DFFA: variants seen among roughly 807,000 people sequenced by gnomAD.
DFFA encodes the protein DFF45.
DFFA carries 14 observed loss-of-function variants against 28.0 expected under a neutral mutation model. The ratio of observed to expected loss-of-function variants is 0.50; its 90% CI spans 0.33 to 0.78. The LOEUF (loss-of-function observed/expected upper bound fraction) is 0.78. DFFA is among the 30% of genes least tolerant of loss of function. DFFA has a pLI of 0.02. For missense variants in DFFA, 395 were observed against 407.1 expected (o/e 0.97, Z 0.26); for synonymous variants, 158 against 170.3 (o/e 0.93, Z 0.56).
At chr1:10,463,304 G>A (rs1035139288) in intron 4 of DFFA, 95 bp from the exon 5 acceptor site, 7 of 1,554,534 alleles carry the variant, frequency 4.5e-6, no homozygotes, top group South Asian at 2.3e-5. Flanking sequence ...AGAGAGAAAC[G>A]TGCCCGTCCC....
Position 10,459,554 on chromosome 1 carries a change from C to T in DFFA, c.*1936G>A, listed in dbSNP as rs1429854410. 6.6e-6 allele frequency: 1 copy of T among 152,052 alleles called. No individual in the cohort carries two copies. The highest frequency in any genetic ancestry group is 2.4e-5 in the African/African-American group (1 of 41,402). The allele number at this position is 152,052 out of a possible 1,614,324, so 9.4% of individuals were successfully genotyped here. On this transcript the variant is annotated 3_prime_UTR_variant, in exon 6 of 6. Transcript: ENST00000377038. ...AGCTTAATATGTATCTTTAAACAAA[C>T]ACATAAAAAAATTCATTAACTGGAG...
At chr1:10,465,884 C>T (rs568614889) in intron 3 of DFFA, among the ~76,000 whole-genome samples, 32 of 151,670 alleles carry the variant, frequency 2.1e-4, no homozygotes, top group African/African-American at 7.3e-4. Flanking sequence ...GGTTTTACCA[C>T]ATCAAACTCC....
At position 10,463,478 on chromosome 1, in the gene DFFA, T is replaced by A. The variant is rs755822908; in HGVS notation, c.584A>T (p.Tyr195Phe). The A allele has an allele frequency of 7.4e-6, 12 of 1,614,010 alleles. No homozygotes were observed. The highest frequency in any genetic ancestry group is 1.0e-5 in the Non-Finnish European group (12 of 1,180,030). The change falls in exon 4 of 6, where the codon TAC (tyrosine) becomes TTC (phenylalanine). Residue 195 changes from tyrosine to phenylalanine, a missense_variant. By Grantham distance (22) the Tyr-to-Phe change is conservative. Transcript: ENST00000377038. ...GCCCTCTTTCTCCAAAGCCTGGAGG[T>A]ACAGCTGCAGGAGCTGCTTGGACTG... The part of the protein sequence containing the change: ...VRQSKQLLQL[Y>F]LQALEKEGSL...
Position 10,461,717 on chromosome 1 carries a change from A to G in DFFA, c.784-15T>C. The G allele has an allele frequency of 6.2e-7, 1 of 1,613,764 alleles. No homozygotes were observed. On this transcript the variant is annotated splice_polypyrimidine_tract_variant and intron_variant, in intron 5 of 5. Transcript: ENST00000377038. ...TTGGTAACCAACTGCAGCAAGAATA[A>G]AAACCCCTGAGAACTGGGCCTTCTG...
At chr1:10,466,877 C>T (rs190154580) in intron 3 of DFFA, among the ~76,000 whole-genome samples, 135 of 143,700 alleles carry the variant, frequency 9.4e-4, no homozygotes, top group Middle Eastern at 7.4e-3. Context: ...TGCTTGAACC[C>T]GGGAGGTGGA....
chr1:10,467,151 C>A, intron 3 of DFFA, 39 bp downstream of exon 3: 1 of 1,611,076 alleles, frequency 6.2e-7, no homozygotes, highest in South Asian at 1.1e-5. Context: ...GGGGCAGAGG[C>A]TGGATGAACA....
At position 10,457,429 on chromosome 1, in the gene DFFA, T is replaced by A. The variant is rs930477812; in HGVS notation, c.*4061A>T. ...GCTCACCACCTATACTCCCAGCACT[T>A]TGGGAGGCCAAGGCAGGTGGATCAC... On this transcript the variant is annotated 3_prime_UTR_variant, in exon 6 of 6. Transcript: ENST00000377038. 4 of 152,152 alleles carry A rather than the reference T, an allele frequency of 2.6e-5. No individual in the cohort carries two copies. Among genetic ancestry groups the A allele is most frequent in the African/African-American group, 9.7e-5 (4 of 41,410 alleles). 9.4% of individuals were successfully genotyped at this position (152,152 alleles called of 1,614,324 possible).
rs779341675 is a variant in DFFA at position 10,472,461 on chromosome 1, T to C, written c.-3A>G. On this transcript the variant is annotated 5_prime_UTR_variant, in exon 1 of 6. Coordinates refer to ENST00000377038, the MANE Select transcript of DFFA (RefSeq NM_004401.3). The surrounding 1 kb of genome is among the most constrained non-coding windows in gnomAD (Gnocchi z 5.0). ...CCGGCGTCCCCGGTCACCTCCATCC[T>C]CCACAAGGTGGGACCTGCCCACCTT... The C allele has an allele frequency of 6.2e-7, 1 of 1,605,556 alleles. No individual in the cohort carries two copies. Among genetic ancestry groups the C allele is most frequent in the African/African-American group, 1.3e-5 (1 of 74,682 alleles).
At position 10,469,397 on chromosome 1, in the gene DFFA, C is replaced by T; in HGVS notation, c.137-59G>A. On this transcript the variant is annotated intron_variant, in intron 1 of 5. Transcript: ENST00000377038. The stretch of plus-strand genomic sequence containing the variant: ...TAACCGTAAGGAAATTACATCTATC[C>T]CTGCATCTCAAGTATGTATGGCTCC... The T allele has an allele frequency of 4.0e-6, 6 of 1,518,374 alleles. No individual in the cohort carries two copies. The South Asian group carries it at 4.7e-5, about 12-fold the overall frequency. The allele number at this position is 1,518,374 out of a possible 1,614,324, so 94.1% of individuals were successfully genotyped here.
rs1050418019 is a variant in DFFA, at chr1:10,467,375, T to G, written c.299-43A>C. 4 of 1,612,532 alleles carry G rather than the reference T, an allele frequency of 2.5e-6. No individual in the cohort carries two copies. The African/African-American group carries it at 5.3e-5, about 22-fold the overall frequency. On this transcript the variant is annotated intron_variant, in intron 2 of 5. Coordinates refer to ENST00000377038, the MANE Select transcript of DFFA (RefSeq NM_004401.3). ...ATGCCAGTCACAGAACAACCTGAAG[T>G]GCTGTTTTCACCTCCTCCCCCAGCA...
chr1:10,466,893 C>A (rs1469034368), intron 3 of DFFA, among the ~76,000 whole-genome samples: 1 of 135,114 alleles, frequency 7.4e-6, no homozygotes, highest in African/African-American at 2.9e-5. Context: ...GTGGAGACTG[C>A]AGTGAGCTGA....
chr1:10,460,940 GCT>G lies in DFFA; in HGVS notation c.*548_*549del, dbSNP rs1161377761. On this transcript the variant is annotated 3_prime_UTR_variant, in exon 6 of 6. Coordinates refer to ENST00000377038, the MANE Select transcript of DFFA (RefSeq NM_004401.3). ...TTTTTTTTTTTTGAGACGGAGTCTC[GCT>G]CTGTTGCCCAGGCTGGAGTGCAGTG... 8.0e-6 allele frequency: 1 copy of G among 124,470 alleles called. No individual in the cohort carries two copies. The highest frequency in any genetic ancestry group is 3.1e-5 in the African/African-American group (1 of 32,032). The allele number at this position is 124,470 out of a possible 1,614,324, so 7.7% of individuals were successfully genotyped here.
At chr1:10,470,751 T>C (rs1268479854) in intron 1 of DFFA, among the ~76,000 whole-genome samples, 3 of 147,238 alleles carry the variant, frequency 2.0e-5, no homozygotes, top group Admixed American at 6.8e-5. Context: ...AATTCTCCTA[T>C]GTGTAAAAAT....
chr1:10,469,031 T>C, intron 2 of DFFA, 146 bp downstream of exon 2: 1 of 840,504 alleles, frequency 1.2e-6, no homozygotes, highest in Non-Finnish European at 1.9e-6. Context: ...CTCAGCACCA[T>C]GTCTGGCACA....
chr1:10,467,483 C>T, intron 2 of DFFA, 151 bp from the exon 3 acceptor site: 1 of 817,370 alleles, frequency 1.2e-6, no homozygotes, highest in South Asian at 1.7e-5. Flanking sequence ...GGTCAATATC[C>T]ATCCAGGACC....
chr1:10,459,005 AC>A lies in DFFA; in HGVS notation c.*2484del, dbSNP rs1247988123. On this transcript the variant is annotated 3_prime_UTR_variant, in exon 6 of 6. Coordinates refer to ENST00000377038, the MANE Select transcript of DFFA (RefSeq NM_004401.3). Reference sequence around the variant, plus strand: ...GTAACTGGGACTACAGGCGTGTACCACTACACCCGGCTAATTTTTTATAATT... The same window carrying A: ...GTAACTGGGACTACAGGCGTGTACCATACACCCGGCTAATTTTTTATAATT... The A allele has an allele frequency of 1.3e-5, 2 of 151,510 alleles. No homozygotes were observed. The highest frequency in any genetic ancestry group is 4.9e-5 in the African/African-American group (2 of 41,172). The allele number at this position is 151,510 out of a possible 1,614,324, so 9.4% of individuals were successfully genotyped here.
At chr1:10,462,882 A>G (rs1380729029) in intron 5 of DFFA, 176 bp downstream of exon 5, 23 of 1,417,876 alleles carry the variant, frequency 1.6e-5, no homozygotes, top group Non-Finnish European at 2.0e-5. Context: ...CTTTAAAGCT[A>G]TTTTGATTTA....
intron 1 of DFFA, among the ~76,000 whole-genome samples, chr1:10,471,062 C>CAAAAA (rs59465527): frequency 2.1e-5 from 2 of 96,510 alleles, no homozygotes; most frequent in Non-Finnish European, 4.0e-5. Flanking sequence ...CACTCCGTCT[C>CAAAAA]AAAAAAAAAA....
chr1:10,463,060 C>G lies in DFFA; in HGVS notation c.781G>C (p.Glu261Gln), dbSNP rs760393244. The change falls in exon 5 of 6, where the codon GAG becomes CAG. Residue 261 changes from glutamate (E) to glutamine (Q), a missense_variant and splice_region_variant. By Grantham distance (29) the Glu-to-Gln change is conservative. Transcript: ENST00000377038. ...CAGTGACCCTGGTTTCCGCCCACCT[C>G]CAAATCCTGACTAGATAAGCTCAGC... ...PELSLSSQDL[E>Q]LVTKEDPKAL... The G allele has an allele frequency of 6.2e-7, 1 of 1,614,144 alleles. No homozygotes were observed. Among genetic ancestry groups the G allele is most frequent in the South Asian group, 1.1e-5 (1 of 91,090 alleles).
Sources: gnomAD v4.1 joint callset for allele counts (sites outside exome capture counted in the v4.1 genomes callset) on GRCh38, gnomAD v4.1.1 for gene constraint, Gnocchi (gnomAD v3.1) non-coding constraint, MANE v1.5 for transcripts, NCBI Gene and HGNC (gene_info 2026-07-23, HGNC 2026-07-21) for gene names.